Variants in RBM33 observed in about 807,000 individuals in gnomAD.
RBM33 encodes RNA binding motif protein 33.
Under a neutral mutation model 132.6 loss-of-function variants are expected in RBM33, and 28 were observed. The ratio of observed to expected loss-of-function variants is 0.21; its 90% CI spans 0.16 to 0.29. The LOEUF is 0.29. Among genes scored for constraint, RBM33 ranks in the 10% least tolerant of loss-of-function variants. The pLI, the probability that RBM33 is intolerant of heterozygous loss-of-function variation, is 1.00. For missense variants in RBM33, 1,291 were observed against 1,518.5 expected (o/e 0.85, Z 2.49); for synonymous variants, 634 against 593.0 (o/e 1.07, Z -1.01).
At position 155,700,953 on chromosome 7, in the gene RBM33, T is replaced by G; in HGVS notation, c.739+9T>G. On this transcript the variant is annotated intron_variant, in intron 6 of 17. Coordinates refer to ENST00000401878, the MANE Select transcript of RBM33 (RefSeq NM_053043.3). ...CATTCCAGAAACTTTGGGTAACTTT[T>G]TTGCCTGTCTCCCATCCTCCTTTAC... 2 of 1,604,050 alleles carry G rather than the reference T, an allele frequency of 1.2e-6. No homozygotes were observed. The highest frequency in any genetic ancestry group is 1.7e-6 in the Non-Finnish European group (2 of 1,173,402).
chr7:155,759,510 C>T (rs886869202), intron 14 of RBM33, among the ~76,000 whole-genome samples: 5 of 150,658 alleles, frequency 3.3e-5, no homozygotes, highest in Middle Eastern at 3.2e-3. Flanking sequence ...CTCCGCCTCC[C>T]GGGTTCACGC....
chr7:155,657,706 AT>A (rs1377468164), intron 1 of RBM33, among the ~76,000 whole-genome samples: 1 of 152,204 alleles, frequency 6.6e-6, no homozygotes, highest in East Asian at 1.9e-4. Flanking sequence ...TCTGCCATGG[AT>A]GATTGTGATT....
intron 7 of RBM33, among the ~76,000 whole-genome samples, chr7:155,710,129 C>G (rs1483591943): frequency 3.9e-5 from 6 of 152,188 alleles, no homozygotes; most frequent in Non-Finnish European, 4.4e-5. Context: ...GGATCATTTA[C>G]TTGGAATTTA....
At chr7:155,662,680 G>A (rs1798685044) in intron 1 of RBM33, among the ~76,000 whole-genome samples, 1 of 152,130 alleles carries the variant, frequency 6.6e-6, no homozygotes, top group South Asian at 2.1e-4. Context: ...GGGACCCCCA[G>A]CCCTTGACCC....
rs140504928 is a variant in RBM33, at chr7:155,764,035, C to T, written c.3186+17C>T. 6,619 of 1,497,538 alleles carry T rather than the reference C, an allele frequency of 4.4e-3. 29 individuals carry two copies. The highest frequency in any genetic ancestry group is 5.2e-3 in the Non-Finnish European group (5,778 of 1,120,626). The allele number at this position is 1,497,538 out of a possible 1,614,324, so 92.8% of individuals were successfully genotyped here. A position where few individuals can be genotyped will look rare whatever the true frequency, so the allele number is the denominator to read the frequency against. Reference sequence around the variant, plus strand: ...GCGAAGAAGGTACTGCTTGTTGCCTCGCACGCAGCCCTGGAAACGCGAAGG... The same window carrying T: ...GCGAAGAAGGTACTGCTTGTTGCCTTGCACGCAGCCCTGGAAACGCGAAGG... On this transcript the variant is annotated intron_variant, in intron 15 of 17. Transcript: ENST00000401878.
chr7:155,743,504 C>A (rs938971158), intron 13 of RBM33, among the ~76,000 whole-genome samples: 14 of 152,300 alleles, frequency 9.2e-5, no homozygotes, highest in Admixed American at 9.1e-4. Context: ...TGAAATGGAA[C>A]CTGTAGGTCA....
rs769515395 is a variant in RBM33 at position 155,775,064 on chromosome 7, T to G, written c.*23T>G. 6.2e-7 allele frequency: 1 copy of G among 1,605,462 alleles called. No individual in the cohort carries two copies. Among genetic ancestry groups the G allele is most frequent in the Non-Finnish European group, 8.5e-7 (1 of 1,172,116 alleles). ...TGAGTCCTAACAAGAGAGCCTGACC[T>G]TAGGCTGTACACACACTGTGGAATT... On this transcript the variant is annotated 3_prime_UTR_variant, in exon 18 of 18. Coordinates refer to ENST00000401878, the MANE Select transcript of RBM33 (RefSeq NM_053043.3).
intron 5 of RBM33, among the ~76,000 whole-genome samples, chr7:155,686,012 C>T (rs577978746): frequency 1.8e-4 from 28 of 152,324 alleles, no homozygotes; most frequent in African/African-American, 6.7e-4. Flanking sequence ...ACTTCTTGCA[C>T]ATACCCTTTC....
intron 16 of RBM33, among the ~76,000 whole-genome samples, chr7:155,768,668 A>G (rs1802303212): frequency 2.0e-5 from 3 of 152,200 alleles, no homozygotes; most frequent in South Asian, 2.1e-4. Flanking sequence ...CCAGGCTGGA[A>G]TGCAGTGGTG....
chr7:155,734,062 G>T (rs1801036885), intron 9 of RBM33, among the ~76,000 whole-genome samples: 1 of 152,226 alleles, frequency 6.6e-6, no homozygotes, highest in Non-Finnish European at 1.5e-5. Flanking sequence ...CTCACGCCCA[G>T]TGCGTGCCTG....
intron 9 of RBM33, among the ~76,000 whole-genome samples, chr7:155,725,200 GTTGTT>G (rs755058903): frequency 1.1e-5 from 1 of 93,378 alleles, no homozygotes; most frequent in Non-Finnish European, 2.0e-5. Context: ...TCCTTTTTTA[GTTGTT>G]TTTTTTTTTT....
intron 1 of RBM33, among the ~76,000 whole-genome samples, chr7:155,648,484 C>G (rs571574056): frequency 2.0e-5 from 3 of 151,974 alleles, no homozygotes; most frequent in Admixed American, 6.6e-5. Context: ...GGTTTTCATT[C>G]GAAATTGTGA....
At chr7:155,698,195 C>T (rs533942617) in intron 5 of RBM33, among the ~76,000 whole-genome samples, 2 of 152,162 alleles carry the variant, frequency 1.3e-5, no homozygotes, top group Non-Finnish European at 2.9e-5. Flanking sequence ...GGTGATACCC[C>T]GTCTCTACTA....
In RBM33 at chr7:155,775,467, T is replaced by G. The variant is rs1327990308; in HGVS notation, c.*426T>G. 8.1e-6 allele frequency: 2 copies of G among 248,204 alleles called. No homozygotes were observed. Among genetic ancestry groups the G allele is most frequent in the Non-Finnish European group, 8.2e-6 (1 of 122,436 alleles). The allele number at this position is 248,204 out of a possible 1,614,324, so 15.4% of individuals were successfully genotyped here. On this transcript the variant is annotated 3_prime_UTR_variant, in exon 18 of 18. Transcript: ENST00000401878. ...GGTTGCACTTATCTTCAGTGCAGGTTAGAAGAGTCTTCTCAACCAAGCTTA... is the reference window on the plus strand; with the variant it reads ...GGTTGCACTTATCTTCAGTGCAGGTGAGAAGAGTCTTCTCAACCAAGCTTA...
intron 1 of RBM33, among the ~76,000 whole-genome samples, chr7:155,647,894 G>T (rs1344666402): frequency 2.6e-5 from 4 of 152,192 alleles, no homozygotes; most frequent in Non-Finnish European, 5.9e-5. Flanking sequence ...ATAGTTTAAT[G>T]AGTTTCAAGA....
At chr7:155,670,638 G>A (rs891253597) in intron 2 of RBM33, among the ~76,000 whole-genome samples, 2 of 152,188 alleles carry the variant, frequency 1.3e-5, no homozygotes, top group African/African-American at 2.4e-5. Flanking sequence ...GCAACGGTGT[G>A]TCTACCTGAG....
At chr7:155,724,990 TTGTGTGTGTG>T (rs56739117) in intron 9 of RBM33, among the ~76,000 whole-genome samples, 1,555 of 123,342 alleles carry the variant, frequency 0.013, 25 homozygotes, top group African/African-American at 0.042. Context: ...GTGTACAGGT[TTGTGTGTGTG>T]TGTGTGTGTG....
chr7:155,742,643 A>G (rs776412961), intron 13 of RBM33, among the ~76,000 whole-genome samples: 4 of 152,034 alleles, frequency 2.6e-5, no homozygotes, highest in Non-Finnish European at 4.4e-5. Flanking sequence ...GATAGGACCA[A>G]TTTTCTTGTT....
intron 5 of RBM33, among the ~76,000 whole-genome samples, chr7:155,685,933 C>T (rs1427484066): frequency 1.3e-5 from 2 of 152,064 alleles, no homozygotes; most frequent in Non-Finnish European, 2.9e-5. Flanking sequence ...TTACCCTTTT[C>T]CCCCCCAGTA....
Sources: gnomAD v4.1 joint callset for allele counts (sites outside exome capture counted in the v4.1 genomes callset) on GRCh38, gnomAD v4.1.1 for gene constraint, MANE v1.5 for transcripts, NCBI Gene and HGNC (gene_info 2026-07-23, HGNC 2026-07-21) for gene names.